Variants in PRTFDC1 observed in about 807,000 individuals in gnomAD.
PRTFDC1 encodes the protein phosphoribosyltransferase domain-containing protein 1.
A neutral mutation model predicts 34.6 loss-of-function variants in PRTFDC1; 38 were observed. The observed-to-expected ratio is 1.10, with a 90% CI of 0.85 to 1.44. The LOEUF (loss-of-function observed/expected upper bound fraction) is 1.44. Ranked by LOEUF, PRTFDC1 falls within the 40% of genes most tolerant of loss-of-function variation. The pLI, the probability that PRTFDC1 is intolerant of heterozygous loss-of-function variation, is 0.00. For missense variants in PRTFDC1, 270 were observed against 283.0 expected (o/e 0.95, Z 0.33); for synonymous variants, 93 against 98.1 (o/e 0.95, Z 0.31).
rs77144373 is a variant in PRTFDC1 at position 24,873,908 on chromosome 10, C to CT, written c.340-1846dup. 7.3e-3 allele frequency among the ~76,000 whole-genome samples: 1,022 copies of CT among 140,008 alleles called. 7 individuals carry two copies. Among genetic ancestry groups the CT allele is most frequent in the African/African-American group, 0.022 (838 of 38,356 alleles). 91.9% of individuals were successfully genotyped at this position (140,008 alleles called of 152,430 possible). Reference sequence around the variant, plus strand: ...AAAAAAAGACCTTATAATTTTTTACCTTTTTTTTTTTTTTTAAGAGACATG... The same window carrying CT: ...AAAAAAAGACCTTATAATTTTTTACCTTTTTTTTTTTTTTTTAAGAGACATG... On this transcript the variant is annotated intron_variant, in intron 3 of 8. Coordinates refer to ENST00000320152, the MANE Select transcript of PRTFDC1 (RefSeq NM_020200.7).
chr10:24,861,887 C>T (rs1478945643), intron 4 of PRTFDC1, among the ~76,000 whole-genome samples: 3 of 152,048 alleles, frequency 2.0e-5, no homozygotes, highest in Non-Finnish European at 4.4e-5. Context: ...GATCCTCCCT[C>T]CTCAGCCTCC....
At chr10:24,905,343 T>A (rs1310049993) in intron 3 of PRTFDC1, among the ~76,000 whole-genome samples, 10 of 73,222 alleles carry the variant, frequency 1.4e-4, no homozygotes, top group African/African-American at 4.0e-4. Flanking sequence ...TTTTTTTTTT[T>A]AGACAGTCTC....
chr10:24,888,585 C>T (rs769469449), intron 3 of PRTFDC1, among the ~76,000 whole-genome samples: 9 of 152,188 alleles, frequency 5.9e-5, no homozygotes, highest in Non-Finnish European at 1.2e-4. Flanking sequence ...CTCTCCCAAG[C>T]TTTGCTGCCT....
In PRTFDC1 at chr10:24,871,994, A is replaced by C. The variant is rs1180011623; in HGVS notation, c.405+4T>G. The C allele has an allele frequency of 1.2e-6, 2 of 1,607,906 alleles. No individual in the cohort carries two copies. The highest frequency in any genetic ancestry group is 1.7e-5 in the Admixed American group (1 of 59,986). ...GCGGTCTGAGCACAGTTACATGAAC[A>C]AACCTTTCCAGCCAGCGTTGAAAGA... On this transcript the variant is annotated splice_donor_region_variant and intron_variant, in intron 4 of 8. Transcript: ENST00000320152.
intron 3 of PRTFDC1, among the ~76,000 whole-genome samples, chr10:24,929,083 T>C (rs1404768981): frequency 7.2e-6 from 1 of 139,180 alleles, no homozygotes; most frequent in African/African-American, 2.7e-5. Context: ...AAAGGGAGGC[T>C]TTCAATTCCA....
At chr10:24,944,147 T>G (rs1490621032) in intron 1 of PRTFDC1, among the ~76,000 whole-genome samples, 1 of 152,152 alleles carries the variant, frequency 6.6e-6, no homozygotes, top group African/African-American at 2.4e-5. Flanking sequence ...CCTTGCTGAC[T>G]GCCCCCGGCC....
intron 3 of PRTFDC1, among the ~76,000 whole-genome samples, chr10:24,916,766 G>A (rs2132576763): frequency 6.6e-6 from 1 of 150,480 alleles, no homozygotes; most frequent in East Asian, 1.9e-4. Context: ...TTCTCGTTTT[G>A]TTTTATTTTC....
At chr10:24,916,888 C>T (rs1357709923) in intron 3 of PRTFDC1, among the ~76,000 whole-genome samples, 4 of 152,222 alleles carry the variant, frequency 2.6e-5, no homozygotes, top group African/African-American at 7.2e-5. Flanking sequence ...AATAACATCA[C>T]CTCTTTCCCA....
intron 1 of PRTFDC1, among the ~76,000 whole-genome samples, chr10:24,946,971 AC>A (rs2132621451): frequency 6.6e-6 from 1 of 152,208 alleles, no homozygotes; most frequent in African/African-American, 2.4e-5. Context: ...ACCCATCTCT[AC>A]AAAAAATAAA....
chr10:24,923,346 C>T (rs1344139844), intron 3 of PRTFDC1, among the ~76,000 whole-genome samples: 2 of 152,238 alleles, frequency 1.3e-5, no homozygotes, highest in African/African-American at 4.8e-5. Flanking sequence ...ACTGCCTCCT[C>T]AATTGGGTCC....
chr10:24,865,395 A>G (rs1280003305), intron 4 of PRTFDC1, among the ~76,000 whole-genome samples: 4 of 152,140 alleles, frequency 2.6e-5, no homozygotes, highest in African/African-American at 9.7e-5. Flanking sequence ...TTTTCAGTAC[A>G]CACCATGCCT....
chr10:24,870,929 G>A (rs1165369804), intron 4 of PRTFDC1, among the ~76,000 whole-genome samples: 4 of 151,772 alleles, frequency 2.6e-5, no homozygotes, highest in South Asian at 2.1e-4. Context: ...AAAATTACCC[G>A]GGCATGGTGG....
intron 5 of PRTFDC1, 62 bp downstream of exon 5, chr10:24,858,330 G>T: frequency 1.3e-6 from 2 of 1,560,712 alleles, no homozygotes; most frequent in Non-Finnish European, 8.8e-7. Context: ...AAGGTTTACC[G>T]TTTAAAACTC....
At chr10:24,929,393 G>A (rs867198978) in intron 3 of PRTFDC1, among the ~76,000 whole-genome samples, 1 of 152,128 alleles carries the variant, frequency 6.6e-6, no homozygotes, top group Non-Finnish European at 1.5e-5. Context: ...CCCCTGTGTG[G>A]CAAATCTCTC....
chr10:24,949,810 C>G (rs1170857589), intron 1 of PRTFDC1, among the ~76,000 whole-genome samples: 1 of 151,350 alleles, frequency 6.6e-6, no homozygotes. Flanking sequence ...TCTTGGATTG[C>G]TGCAACCTCC....
Position 24,851,405 on chromosome 10 carries a change from A to G in PRTFDC1, c.613T>C (p.Tyr205His), listed in dbSNP as rs978889345. 8.7e-6 allele frequency: 14 copies of G among 1,612,420 alleles called. No individual in the cohort carries two copies. Among genetic ancestry groups the G allele is most frequent in the South Asian group, 1.1e-5 (1 of 90,580 alleles). Reference sequence around the variant, plus strand: ...AGACTTACATTCAGATCTCTGAAGTATTCATTGTAATCTAAGGCATATCCC... The same window carrying G: ...AGACTTACATTCAGATCTCTGAAGTGTTCATTGTAATCTAAGGCATATCCC... ...VVGYALDYNE[Y>H]FRDLNHICVI... The change falls in exon 8 of 9, where the codon TAC (tyrosine) becomes CAC (histidine). Residue 205 changes from tyrosine to histidine, a missense_variant. Physicochemically the swap from Tyr to His is moderately conservative, Grantham distance 83. Transcript: ENST00000320152.
chr10:24,942,245 A>C lies in PRTFDC1; in HGVS notation c.155+85T>G. 2.7e-6 allele frequency: 3 copies of C among 1,092,024 alleles called. No homozygotes were observed. The South Asian group carries it at 3.9e-5, about 14-fold the overall frequency. The allele number at this position is 1,092,024 out of a possible 1,614,324, so 67.6% of individuals were successfully genotyped here. Reference sequence around the variant, plus strand: ...CCACTATAAAACGCAGCTCAGGAATAGGGTCCTAAAGTATATTGTGGGATT... The same window carrying C: ...CCACTATAAAACGCAGCTCAGGAATCGGGTCCTAAAGTATATTGTGGGATT... On this transcript the variant is annotated intron_variant, in intron 2 of 8. Transcript: ENST00000320152.
chr10:24,851,449 A>G lies in PRTFDC1; in HGVS notation c.569T>C (p.Ile190Thr). ...GFRPDYAGFE[I>T]PNLFVVGYAL... Reference sequence around the variant, plus strand: ...ATATCCCACCACAAATAAGTTTGGAATCTCAAATCCAGCATCTTAGCAGAC... The same window carrying G: ...ATATCCCACCACAAATAAGTTTGGAGTCTCAAATCCAGCATCTTAGCAGAC... Residue 190 changes from isoleucine (I) to threonine (T), a missense_variant, in exon 8 of 9, where the codon ATT (isoleucine) becomes ACT (threonine). By Grantham distance (89) the Ile-to-Thr change is moderately conservative. Transcript: ENST00000320152. The G allele has an allele frequency of 6.2e-7, 1 of 1,611,740 alleles. No individual in the cohort carries two copies. The highest frequency in any genetic ancestry group is 8.5e-7 in the Non-Finnish European group (1 of 1,179,726).
chr10:24,867,460 C>T (rs1441335152), intron 4 of PRTFDC1, among the ~76,000 whole-genome samples: 2 of 152,168 alleles, frequency 1.3e-5, no homozygotes, highest in African/African-American at 4.8e-5. Flanking sequence ...TGCTCAAATA[C>T]TTTTGTGTCT....
Sources: allele counts gnomAD v4.1 joint callset (sites outside exome capture counted in the v4.1 genomes callset), GRCh38; gene constraint gnomAD v4.1.1; transcripts MANE v1.5; gene names NCBI Gene and HGNC (gene_info 2026-07-23, HGNC 2026-07-21).